The following MAP2K5 variants were observed in gnomAD, a reference collection of about 807,000 sequenced individuals.
MAP2K5 encodes the protein mitogen-activated protein kinase kinase 5.
In MAP2K5, 49 loss-of-function variants were observed where a neutral mutation model predicts 83.1. The observed-to-expected ratio is 0.59, with a 90% CI of 0.47 to 0.75. The LOEUF (loss-of-function observed/expected upper bound fraction) is 0.75. Among genes scored for constraint, MAP2K5 ranks in the 30% least tolerant of loss-of-function variants. MAP2K5 has a pLI of 0.00. For missense variants in MAP2K5, 457 were observed against 557.5 expected, an observed-to-expected ratio of 0.82 and a Z score of 1.82; for synonymous variants, 202 against 191.8, an observed-to-expected ratio of 1.05 and a Z score of -0.44.
chr15:67,788,734 G>A (rs555289323), intron 21 of MAP2K5, among the ~76,000 whole-genome samples: 2 of 152,194 alleles, frequency 1.3e-5, no homozygotes, highest in African/African-American at 4.8e-5. Flanking sequence ...TAGCTCTTGG[G>A]GGGCTGAGGC....
At chr15:67,558,260 C>G (rs1272394472) in intron 2 of MAP2K5, among the ~76,000 whole-genome samples, 1 of 152,178 alleles carries the variant, frequency 6.6e-6, no homozygotes, top group Non-Finnish European at 1.5e-5. Flanking sequence ...TTCTGGAATG[C>G]ATGGATGGTT....
intron 17 of MAP2K5, among the ~76,000 whole-genome samples, chr15:67,744,287 C>A (rs1358789912): frequency 6.6e-6 from 1 of 152,130 alleles, no homozygotes; most frequent in African/African-American, 2.4e-5. Flanking sequence ...ATAAAGAGCT[C>A]AACATTGAAA....
At chr15:67,650,504 T>C (rs2086926723) in intron 11 of MAP2K5, among the ~76,000 whole-genome samples, 1 of 107,874 alleles carries the variant, frequency 9.3e-6, no homozygotes, top group Non-Finnish European at 1.9e-5. Flanking sequence ...TTTCTATTTC[T>C]AGTTTGTTGA....
In MAP2K5 at chr15:67,748,853, A is replaced by G. The variant is rs912195490; in HGVS notation, c.1134+252A>G. On this transcript the variant is annotated intron_variant, in intron 19 of 21. Coordinates refer to ENST00000178640, the MANE Select transcript of MAP2K5 (RefSeq NM_145160.3). The surrounding 1 kb of genome is among the most constrained non-coding windows in gnomAD (Gnocchi z 4.0). ...GCATCAGATGCCCTAAAGACAAAAC[A>G]CAATAATATTAATTGACCCTCTCCC... Among the ~76,000 whole-genome samples the G allele has an allele frequency of 3.9e-5, 6 of 152,206 alleles. No homozygotes were observed. Among genetic ancestry groups the G allele is most frequent in the African/African-American group, 1.4e-4 (6 of 41,446 alleles).
At chr15:67,634,893 C>G (rs565629024) in intron 9 of MAP2K5, among the ~76,000 whole-genome samples, 2 of 152,192 alleles carry the variant, frequency 1.3e-5, no homozygotes, top group South Asian at 4.1e-4. Flanking sequence ...AGTATTGAGA[C>G]TATTTACATT....
intron 13 of MAP2K5, among the ~76,000 whole-genome samples, chr15:67,675,961 A>G (rs546755361): frequency 6.6e-6 from 1 of 152,304 alleles, no homozygotes; most frequent in Admixed American, 6.5e-5. Flanking sequence ...TGCAAATGGA[A>G]GAGGATAGTT....
In MAP2K5 at chr15:67,785,793, A is replaced by G. The variant is rs1026623608; in HGVS notation, c.1242+13041A>G. Among the ~76,000 whole-genome samples, 4 of 152,198 alleles carry G rather than the reference A, an allele frequency of 2.6e-5. No individual in the cohort carries two copies. The highest frequency in any genetic ancestry group is 9.7e-5 in the African/African-American group (4 of 41,450). On this transcript the variant is annotated intron_variant, in intron 21 of 21. Transcript: ENST00000178640. This position sits in a 1 kb window ranked among gnomAD's most constrained non-coding sequence, Gnocchi z 4.4. ...TGGAGAGGCTAAGGATGGTCTTTCA[A>G]AGCTTGCAAATCAGTCTATCGTGTG...
In MAP2K5 at chr15:67,585,922, G is replaced by C; in HGVS notation, c.355G>C (p.Gly119Arg). The C allele has an allele frequency of 1.9e-6, 3 of 1,613,662 alleles. No homozygotes were observed. The change falls in exon 5 of 22, where the codon GGC becomes CGC. Residue 119 changes from glycine to arginine, a missense_variant. Coordinates refer to ENST00000178640, the MANE Select transcript of MAP2K5 (RefSeq NM_145160.3). ...CKPPGERNIH[G>R]LKVNTRAGPS... ...GCCTCCTGGGGAACGGAACATACAT[G>C]GCCTGAAGGTACGAATTTCAATAAT... is the stretch of plus-strand genomic sequence containing the variant.
chr15:67,699,128 G>GTT (rs74409681), intron 15 of MAP2K5, among the ~76,000 whole-genome samples: 5 of 144,252 alleles, frequency 3.5e-5, no homozygotes, highest in Non-Finnish European at 3.1e-5. Context: ...TGCTAGCTAA[G>GTT]TTTTTTTTTT....
At chr15:67,611,273 A>G (rs920540189) in intron 8 of MAP2K5, among the ~76,000 whole-genome samples, 3 of 152,224 alleles carry the variant, frequency 2.0e-5, no homozygotes, top group African/African-American at 7.2e-5. Flanking sequence ...GGTAAAATAC[A>G]TGGGATAAAA....
chr15:67,594,536 GT>G (rs2085481946), intron 7 of MAP2K5, among the ~76,000 whole-genome samples: 1 of 152,142 alleles, frequency 6.6e-6, no homozygotes, highest in South Asian at 2.1e-4. Context: ...ATGAAAAACA[GT>G]TTTTTCCACT....
intron 8 of MAP2K5, among the ~76,000 whole-genome samples, chr15:67,601,258 A>G (rs2085652797): frequency 6.6e-6 from 1 of 152,204 alleles, no homozygotes; most frequent in Non-Finnish European, 1.5e-5. Flanking sequence ...GAATATGTTA[A>G]GTTATAAAGT....
rs552285002 is a variant in MAP2K5, at chr15:67,802,333, A to G, written c.1243-4313A>G. On this transcript the variant is annotated intron_variant, in intron 21 of 21. Coordinates refer to ENST00000178640, the MANE Select transcript of MAP2K5 (RefSeq NM_145160.3). The surrounding 1 kb of genome is among the most constrained non-coding windows in gnomAD (Gnocchi z 5.0). ...CTTCATGACTATGATATTTTCACCA[A>G]TGTCCCTCATTGTGCTTCTCAGCCC... Among the ~76,000 whole-genome samples the G allele has an allele frequency of 1.8e-4, 28 of 152,170 alleles. No homozygotes were observed. Among genetic ancestry groups the G allele is most frequent in the Non-Finnish European group, 3.2e-4 (22 of 68,038 alleles).
In MAP2K5 at chr15:67,758,283, A is replaced by G. The variant is rs1370978031; in HGVS notation, c.1134+9682A>G. On this transcript the variant is annotated intron_variant, in intron 19 of 21. Coordinates refer to ENST00000178640, the MANE Select transcript of MAP2K5 (RefSeq NM_145160.3). This position sits in a 1 kb window ranked among gnomAD's most constrained non-coding sequence, Gnocchi z 4.7. ...TGGAGCTAACTGCATTTGGTAAATA[A>G]CTAGATATAAGGGAGGGTAGGGAGG... Among the ~76,000 whole-genome samples the G allele has an allele frequency of 6.6e-6, 1 of 152,156 alleles. No individual in the cohort carries two copies. The highest frequency in any genetic ancestry group is 1.5e-5 in the Non-Finnish European group (1 of 68,024).
chr15:67,692,606 T>C (rs1431586731), intron 14 of MAP2K5, 54 bp downstream of exon 14: 2 of 1,372,644 alleles, frequency 1.5e-6, no homozygotes, highest in Non-Finnish European at 1.0e-6. Context: ...CCCCTTTATA[T>C]TTTCATTCTG....
chr15:67,678,158 C>T lies in MAP2K5; in HGVS notation c.847+13513C>T, dbSNP rs181954889. ...TGTTCTCATTCATTAGAATGCAGTCCCCAATAAATAACTAGATAGATATAT... is the reference window on the plus strand; with the variant it reads ...TGTTCTCATTCATTAGAATGCAGTCTCCAATAAATAACTAGATAGATATAT... On this transcript the variant is annotated intron_variant, in intron 13 of 21. Coordinates refer to ENST00000178640, the MANE Select transcript of MAP2K5 (RefSeq NM_145160.3). Among the ~76,000 whole-genome samples, 100 of 152,194 alleles carry T rather than the reference C, an allele frequency of 6.6e-4. 1 individual carries two copies. In the East Asian group the frequency reaches 7.3e-3, roughly 11 times the overall value.
At chr15:67,578,341 G>GC (rs1479265946) in intron 3 of MAP2K5, among the ~76,000 whole-genome samples, 1 of 152,222 alleles carries the variant, frequency 6.6e-6, no homozygotes, top group African/African-American at 2.4e-5. Context: ...GTAGGCAGTA[G>GC]CCTGAGTTTC....
Position 67,748,265 on chromosome 15 carries a change from T to G in MAP2K5, c.1101+8T>G. On this transcript the variant is annotated splice_region_variant and intron_variant, in intron 18 of 21. Coordinates refer to ENST00000178640, the MANE Select transcript of MAP2K5 (RefSeq NM_145160.3). This position sits in a 1 kb window ranked among gnomAD's most constrained non-coding sequence, Gnocchi z 4.0. ...AACCAGGGATCTTTAATGGTAAGCTTTATGAGTTCAGAAAAAAATTCACTT... is the reference window on the plus strand; with the variant it reads ...AACCAGGGATCTTTAATGGTAAGCTGTATGAGTTCAGAAAAAAATTCACTT... 1.2e-6 allele frequency: 2 copies of G among 1,603,972 alleles called. No homozygotes were observed. The highest frequency in any genetic ancestry group is 1.7e-6 in the Non-Finnish European group (2 of 1,171,774).
chr15:67,699,575 G>A (rs187860599), intron 15 of MAP2K5, among the ~76,000 whole-genome samples: 5 of 152,214 alleles, frequency 3.3e-5, no homozygotes, highest in Admixed American at 2.6e-4. Flanking sequence ...GTTGGACAAG[G>A]CACATCATGC....
Sources: gnomAD v4.1 joint callset for allele counts (sites outside exome capture counted in the v4.1 genomes callset) on GRCh38, gnomAD v4.1.1 for gene constraint, Gnocchi (gnomAD v3.1) non-coding constraint, MANE v1.5 for transcripts, NCBI Gene and HGNC (gene_info 2026-07-23, HGNC 2026-07-21) for gene names.